The following KCNN2 variants were observed in gnomAD, a reference collection of about 807,000 sequenced individuals.
KCNN2 encodes the protein potassium calcium-activated channel subfamily N member 2, also known as small conductance calcium-activated potassium channel protein 2.
KCNN2 carries 24 observed loss-of-function variants against 55.5 expected under a neutral mutation model. That is an observed-to-expected ratio of 0.43 (90% CI 0.31 to 0.61). The LOEUF is 0.61. KCNN2 is among the 20% of genes least tolerant of loss of function. The pLI is 0.08. For missense variants in KCNN2, 754 were observed against 853.6 expected, an observed-to-expected ratio of 0.88 and a Z score of 1.45; for synonymous variants, 431 against 336.1, an observed-to-expected ratio of 1.28 and a Z score of -3.09.
At chr5:114,129,441 G>T (rs1251105190) in intron 1 of KCNN2, among the ~76,000 whole-genome samples, 2 of 152,136 alleles carry the variant, frequency 1.3e-5, no homozygotes, top group Non-Finnish European at 2.9e-5. Context: ...CTTCATATAA[G>T]GTAACAAGAA....
At chr5:114,080,029 A>G (rs1750775085) in intron 1 of KCNN2, among the ~76,000 whole-genome samples, 2 of 152,054 alleles carry the variant, frequency 1.3e-5, no homozygotes, top group Admixed American at 6.5e-5. Flanking sequence ...ATTTACCTAT[A>G]TGGAAGGACC....
chr5:114,063,337 G>A (rs888005191), intron 1 of KCNN2, among the ~76,000 whole-genome samples: 5 of 152,220 alleles, frequency 3.3e-5, no homozygotes, highest in African/African-American at 9.6e-5. Context: ...TTATATGCCT[G>A]TTGCAATACA....
intron 3 of KCNN2, among the ~76,000 whole-genome samples, chr5:114,445,605 G>A (rs962292996): frequency 1.3e-5 from 2 of 152,164 alleles, no homozygotes; most frequent in African/African-American, 4.8e-5. Flanking sequence ...TGTTTGACAT[G>A]CATCAAAATA....
chr5:114,090,094 T>C (rs963013149), intron 1 of KCNN2, among the ~76,000 whole-genome samples: 2 of 152,206 alleles, frequency 1.3e-5, no homozygotes, highest in Non-Finnish European at 2.9e-5. Context: ...GTGTGAACTA[T>C]ACTATACTGT....
At chr5:114,413,419 G>A (rs1038291975) in intron 3 of KCNN2, among the ~76,000 whole-genome samples, 6 of 152,076 alleles carry the variant, frequency 3.9e-5, no homozygotes, top group Admixed American at 2.6e-4. Context: ...CAAGTAGCTG[G>A]GACTACAGGT....
chr5:114,218,460 G>A (rs557853790), intron 1 of KCNN2, among the ~76,000 whole-genome samples: 3 of 152,180 alleles, frequency 2.0e-5, no homozygotes, highest in Non-Finnish European at 4.4e-5. Flanking sequence ...AACTTAAAAT[G>A]CATATTACTA....
chr5:114,476,210 G>A, intron 5 of KCNN2, among the ~76,000 whole-genome samples: 1 of 127,174 alleles, frequency 7.9e-6, no homozygotes, highest in African/African-American at 3.1e-5. Flanking sequence ...TCCCCAGAGT[G>A]TGATATTCCC....
intron 2 of KCNN2, among the ~76,000 whole-genome samples, chr5:114,329,986 C>T (rs1249960789): frequency 1.3e-5 from 2 of 150,896 alleles, no homozygotes; most frequent in Non-Finnish European, 2.9e-5. Context: ...ACCCTCTAAT[C>T]TAGGTTTGCA....
chr5:114,315,008 G>A (rs1017704250), intron 2 of KCNN2, among the ~76,000 whole-genome samples: 1 of 152,088 alleles, frequency 6.6e-6, no homozygotes, highest in Non-Finnish European at 1.5e-5. Context: ...CTCATCCACA[G>A]CTGAGCTTGA....
chr5:114,374,389 C>G (rs990681663), intron 2 of KCNN2, among the ~76,000 whole-genome samples: 2 of 152,156 alleles, frequency 1.3e-5, no homozygotes, highest in Admixed American at 6.5e-5. Flanking sequence ...GTATTTCTGT[C>G]TGTATTCTTT....
At chr5:114,308,843 A>G (rs1181179310) in intron 2 of KCNN2, among the ~76,000 whole-genome samples, 1 of 152,228 alleles carries the variant, frequency 6.6e-6, no homozygotes, top group African/African-American at 2.4e-5. Context: ...GTCTTGATTT[A>G]TAAAACCAAA....
chr5:114,372,112 G>A (rs1445908819), intron 2 of KCNN2, among the ~76,000 whole-genome samples: 1 of 152,154 alleles, frequency 6.6e-6, no homozygotes, highest in African/African-American at 2.4e-5. Context: ...AAAATCCTGT[G>A]TGTGGATGAT....
intron 1 of KCNN2, among the ~76,000 whole-genome samples, chr5:114,120,365 C>G (rs1338228299): frequency 1.3e-5 from 2 of 152,064 alleles, no homozygotes; most frequent in East Asian, 3.9e-4. Flanking sequence ...TTTGTTTATC[C>G]CATCACTGGG....
intron 1 of KCNN2, among the ~76,000 whole-genome samples, chr5:114,209,923 T>C (rs1283134467): frequency 1.5e-5 from 2 of 133,288 alleles, no homozygotes; most frequent in African/African-American, 5.5e-5. Flanking sequence ...ATTTTTATTA[T>C]CCTAAAATCA....
intron 2 of KCNN2, among the ~76,000 whole-genome samples, chr5:114,228,463 C>A (rs956693743): frequency 6.6e-6 from 1 of 152,028 alleles, no homozygotes; most frequent in South Asian, 2.1e-4. Context: ...AAATGTATAA[C>A]TTTTAACCAT....
intron 2 of KCNN2, among the ~76,000 whole-genome samples, chr5:114,322,255 C>T (rs1249152920): frequency 6.6e-6 from 1 of 152,148 alleles, no homozygotes; most frequent in African/African-American, 2.4e-5. Flanking sequence ...CATTAAAATT[C>T]TTCTAGACCA....
At chr5:114,240,150 A>G (rs1754588753) in intron 2 of KCNN2, among the ~76,000 whole-genome samples, 1 of 152,108 alleles carries the variant, frequency 6.6e-6, no homozygotes, top group Non-Finnish European at 1.5e-5. Context: ...ATGTTTTAAA[A>G]TGATAGTAAC....
At chr5:114,449,925 C>T (rs547795458) in intron 3 of KCNN2, among the ~76,000 whole-genome samples, 100 of 152,018 alleles carry the variant, frequency 6.6e-4, no homozygotes, top group Admixed American at 6.2e-3. Context: ...CGCTCGCGTG[C>T]GCGCACTCTT....
chr5:114,229,710 A>G (rs938383258), intron 2 of KCNN2, among the ~76,000 whole-genome samples: 3 of 151,206 alleles, frequency 2.0e-5, no homozygotes, highest in African/African-American at 7.3e-5. Context: ...AGGAAACCTT[A>G]TTTTGTTCAG....
Sources: allele counts gnomAD v4.1 joint callset (sites outside exome capture counted in the v4.1 genomes callset), GRCh38; gene constraint gnomAD v4.1.1; transcripts MANE v1.5; gene names NCBI Gene and HGNC (gene_info 2026-07-23, HGNC 2026-07-21).